Variants in SPAG16 observed in about 807,000 individuals in gnomAD.
The protein encoded by SPAG16 is sperm associated antigen 16.
A neutral mutation model predicts 80.4 loss-of-function variants in SPAG16; 86 were observed. The ratio of observed to expected loss-of-function variants is 1.07; its 90% confidence interval spans 0.90 to 1.28. The LOEUF is 1.28. Among genes scored for constraint, SPAG16 ranks in the 50% most tolerant of loss-of-function variants. The probability of loss-of-function intolerance (pLI) is 0.00; values close to 1 mark genes in which losing one functional copy is unlikely to be tolerated. For synonymous variants in SPAG16, 294 were observed against 265.9 expected (o/e 1.11, Z -1.03); for missense variants, 870 against 765.3 (o/e 1.14, Z -1.61).
intron 5 of SPAG16, among the ~76,000 whole-genome samples, chr2:213,325,603 C>T (rs1227276382): frequency 7.0e-6 from 1 of 142,544 alleles, no homozygotes; most frequent in East Asian, 2.1e-4. Flanking sequence ...GAAAATATAA[C>T]TTGATTTTGG....
At chr2:214,378,387 G>T (rs946551846) in intron 15 of SPAG16, among the ~76,000 whole-genome samples, 2 of 152,174 alleles carry the variant, frequency 1.3e-5, no homozygotes, top group Non-Finnish European at 2.9e-5. Context: ...GGGGCAGAAT[G>T]AGTTGCTCCA....
chr2:214,379,894 A>G (rs1013216230), intron 15 of SPAG16, among the ~76,000 whole-genome samples: 1 of 152,224 alleles, frequency 6.6e-6, no homozygotes, highest in Non-Finnish European at 1.5e-5. Context: ...TTTGAGAAAC[A>G]ACACACAAAT....
chr2:214,283,449 T>C (rs867583341), intron 15 of SPAG16, among the ~76,000 whole-genome samples: 2 of 152,170 alleles, frequency 1.3e-5, no homozygotes, highest in South Asian at 2.1e-4. Flanking sequence ...TATTTCTAAA[T>C]ACATTACATA....
At position 213,517,418 on chromosome 2, in the gene SPAG16, C is replaced by A. The variant is rs530377367; in HGVS notation, c.1070+27328C>A. Among the ~76,000 whole-genome samples, 10 of 152,318 alleles carry A rather than the reference C, an allele frequency of 6.6e-5. 1 individual carries two copies. Among genetic ancestry groups the A allele is most frequent in the African/African-American group, 2.4e-4 (10 of 41,576 alleles). On this transcript the variant is annotated intron_variant, in intron 10 of 15. Transcript: ENST00000331683. Reference sequence around the variant, plus strand: ...TTTACAGATTCAGCACTACTCTTATCAAACTACCAATGTCATTTTTCACAG... The same window carrying A: ...TTTACAGATTCAGCACTACTCTTATAAAACTACCAATGTCATTTTTCACAG...
intron 10 of SPAG16, among the ~76,000 whole-genome samples, chr2:213,755,154 G>T (rs2068264638): frequency 6.6e-6 from 1 of 152,090 alleles, no homozygotes; most frequent in African/African-American, 2.4e-5. Flanking sequence ...GCATTTTGCA[G>T]GTTCAGTGTA....
intron 10 of SPAG16, among the ~76,000 whole-genome samples, chr2:213,645,754 G>T (rs1021298151): frequency 7.2e-5 from 11 of 152,102 alleles, no homozygotes; most frequent in African/African-American, 2.7e-4. Context: ...GGCTGTCCCA[G>T]CTGGTGTCTC....
At chr2:213,783,294 G>T (rs2070129087) in intron 10 of SPAG16, among the ~76,000 whole-genome samples, 2 of 137,268 alleles carry the variant, frequency 1.5e-5, no homozygotes, top group African/African-American at 2.7e-5. Flanking sequence ...ATGTGCACAT[G>T]TACCCTAAAA....
intron 10 of SPAG16, among the ~76,000 whole-genome samples, chr2:213,537,242 A>G (rs534705490): frequency 3.3e-5 from 5 of 151,994 alleles, no homozygotes; most frequent in East Asian, 1.9e-4. Flanking sequence ...CAGCACACCA[A>G]CATGGCACAT....
intron 15 of SPAG16, among the ~76,000 whole-genome samples, chr2:214,279,722 A>G (rs1390645531): frequency 6.6e-6 from 1 of 152,214 alleles, no homozygotes; most frequent in African/African-American, 2.4e-5. Flanking sequence ...AGCACAACAC[A>G]TATTCATTTC....
rs73986935 is a variant in SPAG16, at chr2:213,757,672, A to C, written c.1071-104813A>C. Among the ~76,000 whole-genome samples the C allele has an allele frequency of 5.0e-3, 765 of 152,260 alleles. 5 individuals are homozygous for C. The highest frequency in any genetic ancestry group is 0.017 in the African/African-American group (715 of 41,538). On this transcript the variant is annotated intron_variant, in intron 10 of 15. Coordinates refer to ENST00000331683, the MANE Select transcript of SPAG16 (RefSeq NM_024532.5). The stretch of plus-strand genomic sequence containing the variant: ...ATGATTAATTTCAGTCAATTTCAGC[A>C]CTTAACCACAGTAGTAGCTACCCAT...
intron 10 of SPAG16, among the ~76,000 whole-genome samples, chr2:213,732,131 A>G (rs1277033486): frequency 1.3e-5 from 2 of 152,154 alleles, no homozygotes; most frequent in Non-Finnish European, 2.9e-5. Flanking sequence ...TTTTCTGCAT[A>G]TGGCTAGCCA....
At chr2:213,696,833 C>T (rs1419558828) in intron 10 of SPAG16, among the ~76,000 whole-genome samples, 1 of 152,072 alleles carries the variant, frequency 6.6e-6, no homozygotes, top group Non-Finnish European at 1.5e-5. Flanking sequence ...AGACAACAGA[C>T]AACTCTTCTT....
rs181712013 is a variant in SPAG16 at position 213,906,799 on chromosome 2, A to G, written c.1215-23161A>G. Among the ~76,000 whole-genome samples, 11 of 152,326 alleles carry G rather than the reference A, an allele frequency of 7.2e-5. 2 individuals are homozygous for G. The highest frequency in any genetic ancestry group is 6.5e-4 in the Admixed American group (10 of 15,294). On this transcript the variant is annotated intron_variant, in intron 11 of 15. Coordinates refer to ENST00000331683, the MANE Select transcript of SPAG16 (RefSeq NM_024532.5). ...CCTCTTCAATAAACAGTGCTGGGCA[A>G]ATAATATCCATTTGTGAAGAATAAA...
intron 10 of SPAG16, among the ~76,000 whole-genome samples, chr2:213,618,804 A>C (rs11683006): frequency 0.29 from 44,383 of 151,792 alleles, 7,458 homozygotes; most frequent in Middle Eastern, 0.47. Context: ...AAAACACTCC[A>C]TGATTTCTTT....
At chr2:213,626,374 GA>G (rs2061961321) in intron 10 of SPAG16, among the ~76,000 whole-genome samples, 1 of 151,556 alleles carries the variant, frequency 6.6e-6, no homozygotes, top group African/African-American at 2.4e-5. Context: ...ATTTTTAGGG[GA>G]AAAAAATAGC....
intron 10 of SPAG16, among the ~76,000 whole-genome samples, chr2:213,745,831 AAG>A (rs1470262418): frequency 6.6e-6 from 1 of 152,202 alleles, no homozygotes; most frequent in Non-Finnish European, 1.5e-5. Flanking sequence ...GTAATAATAA[AAG>A]AGATTATTTG....
intron 15 of SPAG16, chr2:214,311,821 A>G (rs952114590): frequency 2.6e-5 from 4 of 152,200 alleles, no homozygotes; most frequent in African/African-American, 9.6e-5. Flanking sequence ...AGTTAAGTTT[A>G]AAATGTGATT....
intron 15 of SPAG16, among the ~76,000 whole-genome samples, chr2:214,154,969 A>C (rs2056148546): frequency 6.6e-6 from 1 of 152,192 alleles, no homozygotes; most frequent in African/African-American, 2.4e-5. Context: ...GAAAGTAAAC[A>C]AGGTGAGCCC....
rs145589763 is a variant in SPAG16 at position 214,216,306 on chromosome 2, GTGATGATGA to G, written c.1720+67059_1720+67067del. Among the ~76,000 whole-genome samples the G allele has an allele frequency of 5.3e-5, 8 of 151,764 alleles. No individual in the cohort carries two copies. In the East Asian group the frequency reaches 1.4e-3, roughly 26 times the overall value. On this transcript the variant is annotated intron_variant, in intron 15 of 15. Coordinates refer to ENST00000331683, the MANE Select transcript of SPAG16 (RefSeq NM_024532.5). Reference sequence around the variant, plus strand: ...TTATTCAAAATCTTTGAAAAATGCTGTGATGATGATGATGATGATGATGATGACGATGAT... The same window carrying G: ...TTATTCAAAATCTTTGAAAAATGCTGTGATGATGATGATGATGACGATGAT...
Sources: allele counts gnomAD v4.1 joint callset (sites outside exome capture counted in the v4.1 genomes callset), GRCh38; gene constraint gnomAD v4.1.1; transcripts MANE v1.5; gene names NCBI Gene and HGNC (gene_info 2026-07-23, HGNC 2026-07-21).